Variants in ARHGAP29 observed in about 807,000 individuals in gnomAD.
The protein encoded by ARHGAP29 is Rho GTPase activating protein 29.
Under a neutral mutation model 122.6 loss-of-function variants are expected in ARHGAP29, and 43 were observed. The observed-to-expected ratio is 0.35, with a 90% CI of 0.27 to 0.45. The LOEUF is 0.45. Ranked by LOEUF, ARHGAP29 falls within the 20% of genes least tolerant of loss-of-function variation. The pLI, the probability that ARHGAP29 is intolerant of heterozygous loss-of-function variation, is 1.00. For missense variants in ARHGAP29, 1,303 were observed against 1,477.2 expected, an observed-to-expected ratio of 0.88 and a Z score of 1.93; for synonymous variants, 506 against 497.1, an observed-to-expected ratio of 1.02 and a Z score of -0.24.
At chr1:94,211,732 C>T (rs1200629758) in intron 3 of ARHGAP29, among the ~76,000 whole-genome samples, 1 of 152,080 alleles carries the variant, frequency 6.6e-6, no homozygotes, top group Non-Finnish European at 1.5e-5. Flanking sequence ...AACTAAATAA[C>T]ACACTTTTAT....
intron 2 of ARHGAP29, among the ~76,000 whole-genome samples, chr1:94,225,946 C>T (rs1171264351): frequency 6.6e-6 from 1 of 151,894 alleles, no homozygotes; most frequent in Non-Finnish European, 1.5e-5. Flanking sequence ...CATTTATTTT[C>T]TGCTTCATTC....
chr1:94,199,891 C>T (rs55894827), intron 12 of ARHGAP29, among the ~76,000 whole-genome samples: 1 of 152,174 alleles, frequency 6.6e-6, no homozygotes, highest in African/African-American at 2.4e-5. Flanking sequence ...CTTTCTGTGT[C>T]ACTCCGATAA....
At chr1:94,310,434 A>G in the ARHGAP29 span, among the ~76,000 whole-genome samples, 1 of 152,352 alleles carries the variant, frequency 6.6e-6, no homozygotes, top group Admixed American at 6.5e-5. Flanking sequence ...CGTGCTCAGT[A>G]GAAAGCAAAC....
At position 94,231,491 on chromosome 1, in the gene ARHGAP29, C is replaced by A; in HGVS notation, c.121G>T (p.Asp41Tyr). The stretch of plus-strand genomic sequence containing the variant: ...ACCAACTCCTTGATGTAATCCGGAT[C>A]AAAAATAGAGTTGGAACTTAAGGAC... Reference protein sequence around the residue: ...LKSLSSNSIFDPDYIKELVND... With the variant: ...LKSLSSNSIFYPDYIKELVND... Residue 41 changes from aspartate to tyrosine, a missense_variant, in exon 2 of 23, where the codon GAT (aspartate) becomes TAT (tyrosine). By Grantham distance (160) the Asp-to-Tyr change is radical (BLOSUM62 -3). This residue lies in a region of ARHGAP29 where 592 missense variants were observed against 648.2 expected (regional missense o/e 0.91). Transcript: ENST00000260526. 1 of 1,613,702 alleles carries A rather than the reference C, an allele frequency of 6.2e-7. No individual in the cohort carries two copies. The highest frequency in any genetic ancestry group is 8.5e-7 in the Non-Finnish European group (1 of 1,179,734).
chr1:94,205,508 C>A, intron 6 of ARHGAP29, 127 bp downstream of exon 6: 1 of 898,644 alleles, frequency 1.1e-6, no homozygotes, highest in South Asian at 1.7e-5. Context: ...ATATGTAAAA[C>A]TTTATATATC....
chr1:94,175,253 A>G (rs1318939195), intron 22 of ARHGAP29, among the ~76,000 whole-genome samples: 1 of 152,196 alleles, frequency 6.6e-6, no homozygotes, highest in Middle Eastern at 3.2e-3. Flanking sequence ...TGATCAACTA[A>G]TAAAGCATAA....
At chr1:94,180,140 C>T (rs1649365400) in intron 19 of ARHGAP29, among the ~76,000 whole-genome samples, 183 bp from the exon 20 acceptor site, 1 of 151,958 alleles carries the variant, frequency 6.6e-6, no homozygotes, top group Non-Finnish European at 1.5e-5. Context: ...CTAGAATCAT[C>T]ATCATAAATT....
intron 4 of ARHGAP29, 128 bp from the exon 5 acceptor site, chr1:94,209,032 G>T: frequency 1.1e-6 from 1 of 923,066 alleles, no homozygotes; most frequent in Non-Finnish European, 1.6e-6. Context: ...CTAGGAATCT[G>T]TTCACATAAA....
chr1:94,228,238 TG>T (rs1158245122), intron 2 of ARHGAP29, among the ~76,000 whole-genome samples: 1 of 151,812 alleles, frequency 6.6e-6, no homozygotes, highest in African/African-American at 2.4e-5. Flanking sequence ...GATTACAATA[TG>T]AGCTTCATAT....
At chr1:94,297,168 G>A in the ARHGAP29 span, among the ~76,000 whole-genome samples, 1 of 152,122 alleles carries the variant, frequency 6.6e-6, no homozygotes, top group Non-Finnish European at 1.5e-5. Flanking sequence ...GACAGTAGCT[G>A]CAGATACCCA....
At position 94,171,427 on chromosome 1, in the gene ARHGAP29, C is replaced by T. The variant is rs1041934493; in HGVS notation, c.*2442G>A. On this transcript the variant is annotated 3_prime_UTR_variant, in exon 23 of 23. Transcript: ENST00000260526. ...CTTCTTCTGAGTCGTTTGGACAATA[C>T]GCATCATCTTGGACAATACGCCTCC... Among the ~76,000 whole-genome samples the T allele has an allele frequency of 1.3e-5, 2 of 152,124 alleles. No homozygotes were observed. Among genetic ancestry groups the T allele is most frequent in the Non-Finnish European group, 2.9e-5 (2 of 68,014 alleles).
At chr1:94,262,562 AC>A (rs1419739608) in intron 1 of ARHGAP29, among the ~76,000 whole-genome samples, 3 of 152,194 alleles carry the variant, frequency 2.0e-5, no homozygotes, top group Non-Finnish European at 4.4e-5. Context: ...TAGCAAAAAA[AC>A]CAACAACCCA....
chr1:94,180,769 C>T (rs1649404807), intron 19 of ARHGAP29, among the ~76,000 whole-genome samples: 1 of 152,178 alleles, frequency 6.6e-6, no homozygotes, highest in South Asian at 2.1e-4. Context: ...TACTCTCTAA[C>T]ATTGTTTTAA....
the ARHGAP29 span, among the ~76,000 whole-genome samples, chr1:94,298,221 A>G: frequency 6.6e-6 from 1 of 152,242 alleles, no homozygotes; most frequent in South Asian, 2.1e-4. Context: ...AGAAAGTTTT[A>G]TACTGCAGAA....
chr1:94,209,131 T>C (rs1651411447), intron 4 of ARHGAP29, 123 bp downstream of exon 4: 1 of 855,312 alleles, frequency 1.2e-6, no homozygotes, highest in East Asian at 2.7e-5. Flanking sequence ...AGGTAGTTTT[T>C]CCGAAGTTGT....
chr1:94,187,156 C>T (rs1649857978), intron 15 of ARHGAP29, among the ~76,000 whole-genome samples: 1 of 152,196 alleles, frequency 6.6e-6, no homozygotes. Flanking sequence ...AGGATACAAG[C>T]TATGTCAGCA....
chr1:94,242,150 T>C (rs918512668), upstream of ARHGAP29, among the ~76,000 whole-genome samples: 5 of 152,062 alleles, frequency 3.3e-5, no homozygotes, highest in African/African-American at 1.2e-4. Context: ...ACAACAAGGA[T>C]TGGCAAATAA....
intron 2 of ARHGAP29, among the ~76,000 whole-genome samples, chr1:94,220,845 G>T (rs756223469): frequency 6.6e-6 from 1 of 150,398 alleles, no homozygotes; most frequent in Admixed American, 6.7e-5. Context: ...GACCTTTAAT[G>T]AGTTTTTGTG....
At chr1:94,229,559 A>G (rs1365806816) in intron 2 of ARHGAP29, among the ~76,000 whole-genome samples, 2 of 151,822 alleles carry the variant, frequency 1.3e-5, no homozygotes, top group African/African-American at 4.8e-5. Flanking sequence ...TGGCCACTGC[A>G]TACTACTGAG....
Sources: gnomAD v4.1 joint callset for allele counts (sites outside exome capture counted in the v4.1 genomes callset) on GRCh38, gnomAD v4.1.1 for gene constraint, gnomAD v4.1.1 regional missense constraint, MANE v1.5 for transcripts, NCBI Gene and HGNC (gene_info 2026-07-23, HGNC 2026-07-21) for gene names.